The following ARSB variants were observed in gnomAD, a reference collection of about 807,000 sequenced individuals.
The protein encoded by ARSB is N-acetylgalactosamine-4-sulfatase.
A neutral mutation model predicts 50.9 loss-of-function variants in ARSB; 41 were observed. The observed-to-expected ratio is 0.81, with a 90% CI of 0.63 to 1.04. The LOEUF (loss-of-function observed/expected upper bound fraction) is 1.04. Among genes scored for constraint, ARSB ranks in the 50% least tolerant of loss-of-function variants. The pLI, the probability that ARSB is intolerant of heterozygous loss-of-function variation, is 0.00. For missense variants in ARSB, 672 were observed against 693.3 expected, an observed-to-expected ratio of 0.97 and a Z score of 0.35; for synonymous variants, 269 against 284.8, an observed-to-expected ratio of 0.94 and a Z score of 0.56.
intron 6 of ARSB, among the ~76,000 whole-genome samples, chr5:78,799,336 C>A (rs1417774213): frequency 6.6e-6 from 1 of 152,214 alleles, no homozygotes; most frequent in Non-Finnish European, 1.5e-5. Context: ...AAGCCTCAGT[C>A]CTCTCTCAAC....
intron 1 of ARSB, among the ~76,000 whole-genome samples, chr5:78,979,340 A>G (rs529399375): frequency 7.2e-5 from 11 of 152,366 alleles, no homozygotes; most frequent in Non-Finnish European, 1.3e-4. Flanking sequence ...GATAATGACA[A>G]GTGTTGGCAA....
rs145891828 is a variant in ARSB, at chr5:78,833,827, C to G, written c.1213+5529G>C. 1.2e-4 allele frequency among the ~76,000 whole-genome samples: 19 copies of G among 152,326 alleles called. No homozygotes were observed. In the East Asian group the frequency reaches 3.7e-3, roughly 29 times the overall value. On this transcript the variant is annotated intron_variant, in intron 6 of 7. Coordinates refer to ENST00000264914, the MANE Select transcript of ARSB (RefSeq NM_000046.5). ...TCCCACATCATCTTTTCTGGCCGAT[C>G]TTTTCAATGCAGGGAGCGATGAGGG... is the stretch of plus-strand genomic sequence containing the variant.
At chr5:78,937,254 GATATATATATATCTTACAT>G (rs1750645331) in intron 4 of ARSB, among the ~76,000 whole-genome samples, 1 of 144,962 alleles carries the variant, frequency 6.9e-6, no homozygotes, top group Non-Finnish European at 1.5e-5. Context: ...AAGGAAGTTC[GATATATATATATCTTACAT>G]ATATATGTAA....
chr5:78,836,131 T>C (rs1744945486), intron 6 of ARSB, among the ~76,000 whole-genome samples: 1 of 152,232 alleles, frequency 6.6e-6, no homozygotes, highest in African/African-American at 2.4e-5. Flanking sequence ...CGGGCTTGTA[T>C]CATCATCCTA....
At chr5:78,923,110 GGA>G (rs753519991) in intron 4 of ARSB, among the ~76,000 whole-genome samples, 133 of 152,304 alleles carry the variant, frequency 8.7e-4, no homozygotes, top group Non-Finnish European at 1.4e-3. Flanking sequence ...GGAAAGGCTG[GGA>G]GAGCCAAACA....
chr5:78,786,317 C>T (rs2363609), intron 6 of ARSB, among the ~76,000 whole-genome samples: 150,228 of 152,348 alleles, frequency 0.99, 74,125 homozygotes, highest in Middle Eastern at 1. Flanking sequence ...TTTTGTAGCA[C>T]GTATCAGTAC....
chr5:78,818,763 G>A (rs13173889), intron 6 of ARSB, among the ~76,000 whole-genome samples: 37,917 of 151,674 alleles, frequency 0.25, 4,906 homozygotes, highest in Non-Finnish European at 0.26. Context: ...GACTTCAGGC[G>A]CCCGCTACCA....
chr5:78,938,219 C>A (rs889345604), intron 4 of ARSB, among the ~76,000 whole-genome samples: 3 of 152,170 alleles, frequency 2.0e-5, no homozygotes, highest in African/African-American at 7.2e-5. Flanking sequence ...GCCAGGGACA[C>A]CAAATCAGCA....
At chr5:78,913,867 T>C (rs1364789584) in intron 4 of ARSB, among the ~76,000 whole-genome samples, 2 of 152,158 alleles carry the variant, frequency 1.3e-5, no homozygotes, top group African/African-American at 2.4e-5. Flanking sequence ...AAATTTTTAG[T>C]GTCAGAAAAA....
At chr5:78,912,204 T>TA (rs1214486477) in intron 4 of ARSB, among the ~76,000 whole-genome samples, 1 of 152,168 alleles carries the variant, frequency 6.6e-6, no homozygotes, top group Non-Finnish European at 1.5e-5. Flanking sequence ...ACAAAAGCCA[T>TA]GGGAAATTGA....
intron 5 of ARSB, among the ~76,000 whole-genome samples, chr5:78,843,134 G>A (rs887732086): frequency 2.0e-5 from 3 of 152,310 alleles, no homozygotes; most frequent in South Asian, 2.1e-4. Flanking sequence ...CATGGGAACC[G>A]CTGCTCCTAA....
intron 6 of ARSB, among the ~76,000 whole-genome samples, chr5:78,806,076 A>G (rs1413290445): frequency 1.3e-5 from 2 of 152,242 alleles, no homozygotes; most frequent in South Asian, 2.1e-4. Flanking sequence ...CTAATGCGCT[A>G]TGAGTACTGA....
At chr5:78,915,806 T>A (rs971023901) in intron 4 of ARSB, among the ~76,000 whole-genome samples, 1 of 152,234 alleles carries the variant, frequency 6.6e-6, no homozygotes, top group African/African-American at 2.4e-5. Flanking sequence ...ATATTTTAAA[T>A]AATTTTGTGC....
intron 5 of ARSB, among the ~76,000 whole-genome samples, chr5:78,853,633 TTTTG>T (rs1198505456): frequency 6.6e-6 from 1 of 152,182 alleles, no homozygotes; most frequent in Non-Finnish European, 1.5e-5. Flanking sequence ...ACTGATGTCT[TTTTG>T]TTTGTCTGTG....
At chr5:78,968,310 TTTATTTTA>T (rs1278680696) in intron 2 of ARSB, among the ~76,000 whole-genome samples, 4 of 142,010 alleles carry the variant, frequency 2.8e-5, no homozygotes, top group Non-Finnish European at 6.1e-5. Flanking sequence ...ATATTCATTT[TTTATTTTA>T]TTATTATTAT....
chr5:78,782,217 T>G (rs1420970444), intron 6 of ARSB, among the ~76,000 whole-genome samples: 5 of 152,242 alleles, frequency 3.3e-5, no homozygotes, highest in African/African-American at 9.6e-5. Context: ...TAATTCATCC[T>G]TAAAATCGCT....
intron 4 of ARSB, among the ~76,000 whole-genome samples, chr5:78,904,802 C>T (rs1046045225): frequency 1.3e-5 from 2 of 151,340 alleles, no homozygotes; most frequent in African/African-American, 4.9e-5. Flanking sequence ...AATTCTCCTG[C>T]CTCAGCCTCC....
At chr5:78,830,274 TG>T (rs1744612575) in intron 6 of ARSB, among the ~76,000 whole-genome samples, 1 of 152,138 alleles carries the variant, frequency 6.6e-6, no homozygotes, top group Admixed American at 6.5e-5. Flanking sequence ...AATGGAGTTA[TG>T]GGCCACTAAC....
At chr5:78,802,629 C>T (rs887290793) in intron 6 of ARSB, among the ~76,000 whole-genome samples, 6 of 151,958 alleles carry the variant, frequency 3.9e-5, no homozygotes, top group African/African-American at 1.2e-4. Flanking sequence ...AAACAGAGGC[C>T]GTGGAGGAGA....
Sources: allele counts gnomAD v4.1 joint callset (sites outside exome capture counted in the v4.1 genomes callset), GRCh38; gene constraint gnomAD v4.1.1; transcripts MANE v1.5; gene names NCBI Gene and HGNC (gene_info 2026-07-23, HGNC 2026-07-21).